The following GPR176 variants were observed in gnomAD, a reference collection of about 807,000 sequenced individuals.
GPR176 encodes G-protein coupled receptor 176.
In GPR176, 26 loss-of-function variants were observed where a neutral mutation model predicts 35.4. That is an observed-to-expected ratio of 0.74 (90% CI 0.54 to 1.02). The LOEUF is 1.02. Ranked by LOEUF, GPR176 falls within the 50% of genes least tolerant of loss-of-function variation. GPR176 has a pLI of 0.00. For missense variants in GPR176, 597 were observed against 665.3 expected, an observed-to-expected ratio of 0.90 and a Z score of 1.13; for synonymous variants, 278 against 271.3, an observed-to-expected ratio of 1.02 and a Z score of -0.24.
At chr15:39,900,272 G>A (rs1434983510) in intron 1 of GPR176, among the ~76,000 whole-genome samples, 2 of 150,114 alleles carry the variant, frequency 1.3e-5, no homozygotes, top group Admixed American at 6.6e-5. Context: ...GCCAAATAAA[G>A]GCTTGAGAAT....
At chr15:39,825,014 A>G (rs1900532495) in intron 1 of GPR176, among the ~76,000 whole-genome samples, 1 of 152,108 alleles carries the variant, frequency 6.6e-6, no homozygotes, top group Non-Finnish European at 1.5e-5. Flanking sequence ...AGACCAGCCT[A>G]GGCAACACAG....
intron 1 of GPR176, among the ~76,000 whole-genome samples, chr15:39,869,754 T>C (rs1022742534): frequency 6.6e-6 from 1 of 152,196 alleles, no homozygotes; most frequent in African/African-American, 2.4e-5. Flanking sequence ...TCACATTTGA[T>C]CCTTAGAAAT....
In GPR176 at chr15:39,803,524, AC is replaced by A. The variant is rs529075013; in HGVS notation, c.426-1271del. Among the ~76,000 whole-genome samples the A allele has an allele frequency of 5.0e-3, 761 of 151,638 alleles. 4 individuals carry two copies. The highest frequency in any genetic ancestry group is 7.4e-3 in the Non-Finnish European group (504 of 67,886). On this transcript the variant is annotated intron_variant, in intron 2 of 2. Transcript: ENST00000561100. ...TCGAACTCCTAACCTCAGCTGATCC[AC>A]CCGCCTCGGCCTCCCAAAGTGGTTG...
intron 1 of GPR176, chr15:39,807,670 T>C (rs1899289886): frequency 2.8e-6 from 2 of 713,070 alleles, no homozygotes; most frequent in Non-Finnish European, 5.0e-6. Flanking sequence ...ATCTTAAATT[T>C]ATGGTAGCCA....
intron 1 of GPR176, among the ~76,000 whole-genome samples, chr15:39,833,195 G>A (rs1901200998): frequency 6.6e-6 from 1 of 152,134 alleles, no homozygotes; most frequent in East Asian, 1.9e-4. Context: ...ATAGAAACTT[G>A]TACAAAAATG....
chr15:39,854,619 G>C (rs2031086824), intron 1 of GPR176, among the ~76,000 whole-genome samples: 1 of 152,140 alleles, frequency 6.6e-6, no homozygotes, highest in Admixed American at 6.5e-5. Flanking sequence ...AGAGTTCTGT[G>C]ATTTGGGGTT....
intron 1 of GPR176, among the ~76,000 whole-genome samples, chr15:39,884,080 C>A (rs79469018): frequency 6.6e-6 from 1 of 152,184 alleles, no homozygotes; most frequent in Non-Finnish European, 1.5e-5. Context: ...GTTACCAGGT[C>A]GTGCTCACAG....
At chr15:39,848,398 T>C (rs531803961) in intron 1 of GPR176, among the ~76,000 whole-genome samples, 8 of 152,116 alleles carry the variant, frequency 5.3e-5, no homozygotes, top group Admixed American at 5.2e-4. Context: ...TTTCAGCAAC[T>C]GATAAAACTA....
intron 1 of GPR176, among the ~76,000 whole-genome samples, chr15:39,882,463 T>C (rs1404129781): frequency 6.6e-6 from 1 of 152,254 alleles, no homozygotes; most frequent in African/African-American, 2.4e-5. Flanking sequence ...TGGCTCTATG[T>C]GTTACCAAGA....
chr15:39,898,003 C>T (rs968711688), intron 1 of GPR176, among the ~76,000 whole-genome samples: 1 of 152,208 alleles, frequency 6.6e-6, no homozygotes, highest in African/African-American at 2.4e-5. Context: ...GTGACCAATG[C>T]AAGAAGTTGT....
At chr15:39,908,716 C>A (rs1429527191) in intron 1 of GPR176, among the ~76,000 whole-genome samples, 1 of 152,154 alleles carries the variant, frequency 6.6e-6, no homozygotes, top group Non-Finnish European at 1.5e-5. Context: ...TATCCTCATT[C>A]TCTCCTAAGC....
At chr15:39,876,987 C>T (rs931500679) in intron 1 of GPR176, among the ~76,000 whole-genome samples, 4 of 152,188 alleles carry the variant, frequency 2.6e-5, no homozygotes, top group South Asian at 2.1e-4. Context: ...ACTTCTTCAA[C>T]TCACAAATAG....
chr15:39,870,823 G>A (rs1164403744), intron 1 of GPR176, among the ~76,000 whole-genome samples: 1 of 152,066 alleles, frequency 6.6e-6, no homozygotes, highest in Non-Finnish European at 1.5e-5. Context: ...AACTGAGGAA[G>A]GGTTTCTAGG....
chr15:39,906,947 C>G (rs2033438460), intron 1 of GPR176, among the ~76,000 whole-genome samples: 2 of 152,216 alleles, frequency 1.3e-5, no homozygotes, highest in Admixed American at 1.3e-4. Flanking sequence ...TCTCAAGGTG[C>G]TGCATTCTAA....
At chr15:39,909,942 G>A in intron 1 of GPR176, 3 of 934,398 alleles carry the variant, frequency 3.2e-6, no homozygotes, top group Non-Finnish European at 3.8e-6. Flanking sequence ...TTTTCACAAG[G>A]AAACATTTTT....
At chr15:39,886,040 A>C (rs139688553) in intron 1 of GPR176, among the ~76,000 whole-genome samples, 1,890 of 152,024 alleles carry the variant, frequency 0.012, 46 homozygotes, top group African/African-American at 0.041. Flanking sequence ...TTGAGATGAG[A>C]CTCACCAACA....
intron 2 of GPR176, among the ~76,000 whole-genome samples, chr15:39,803,006 T>C (rs1256166544): frequency 6.6e-6 from 1 of 152,214 alleles, no homozygotes; most frequent in Non-Finnish European, 1.5e-5. Flanking sequence ...AACTTGATCA[T>C]TCTGTAAGCA....
chr15:39,887,034 T>C (rs137942736), intron 1 of GPR176, among the ~76,000 whole-genome samples: 131 of 152,330 alleles, frequency 8.6e-4, no homozygotes, highest in Non-Finnish European at 1.3e-3. Context: ...AACCAGTGAT[T>C]CTCAAACTTT....
At chr15:39,881,255 C>A (rs2032464973) in intron 1 of GPR176, among the ~76,000 whole-genome samples, 1 of 152,224 alleles carries the variant, frequency 6.6e-6, no homozygotes, top group African/African-American at 2.4e-5. Context: ...GGGGAAGCAA[C>A]TGAATCTTAG....
Sources: allele counts gnomAD v4.1 joint callset (sites outside exome capture counted in the v4.1 genomes callset), GRCh38; gene constraint gnomAD v4.1.1; transcripts MANE v1.5; gene names NCBI Gene and HGNC (gene_info 2026-07-23, HGNC 2026-07-21).